P2RX5: variants seen among roughly 807,000 people sequenced by gnomAD.
The protein encoded by P2RX5 is purinergic receptor P2X 5.
In P2RX5, 46 loss-of-function variants were observed where a neutral mutation model predicts 54.1. The ratio of observed to expected loss-of-function variants is 0.85; its 90% CI spans 0.67 to 1.09. P2RX5 has a LOEUF of 1.09. Among genes scored for constraint, P2RX5 ranks in the 50% least tolerant of loss-of-function variants. P2RX5 has a pLI of 0.00. For synonymous variants in P2RX5, 226 were observed against 226.4 expected (o/e 1.00, Z 0.02); for missense variants, 566 against 549.8 (o/e 1.03, Z -0.29).
chr17:3,680,874 A>T (rs1346677688), intron 10 of P2RX5, among the ~76,000 whole-genome samples: 10 of 74,416 alleles, frequency 1.3e-4, no homozygotes, highest in African/African-American at 3.2e-4. Flanking sequence ...TCCTCCACCC[A>T]GTGTCCTCCA....
intron 9 of P2RX5, chr17:3,685,671 C>A (rs2050435480): frequency 9.5e-6 from 1 of 104,854 alleles, no homozygotes. Context: ...AGCCTGAGAA[C>A]AGGAGAACGC....
At chr17:3,676,125 CT>C (rs1567727577) in intron 11 of P2RX5, 1 of 985,348 alleles carries the variant, frequency 1.0e-6, no homozygotes, top group African/African-American at 1.7e-5. Context: ...CGCTGGAGCA[CT>C]TTTCTGCCAG....
At chr17:3,692,871 C>A (rs1369148315) in intron 1 of P2RX5, among the ~76,000 whole-genome samples, 3 of 151,976 alleles carry the variant, frequency 2.0e-5, no homozygotes, top group African/African-American at 7.3e-5. Flanking sequence ...AAATCCCATA[C>A]TTGTTGACAC....
chr17:3,677,501 C>T, intron 11 of P2RX5: 1 of 985,460 alleles, frequency 1.0e-6, no homozygotes, highest in South Asian at 4.7e-5. Context: ...TAAATTTTAT[C>T]CTTGGGGCAA....
chr17:3,720,858 C>T, the P2RX5 span, among the ~76,000 whole-genome samples: 1 of 152,180 alleles, frequency 6.6e-6, no homozygotes, highest in Non-Finnish European at 1.5e-5. Flanking sequence ...GCTGGGATTA[C>T]AGGCGTGAGC....
chr17:3,712,999 C>T, the P2RX5 span, among the ~76,000 whole-genome samples: 1 of 150,694 alleles, frequency 6.6e-6, no homozygotes, highest in Non-Finnish European at 1.5e-5. Context: ...CATTCAAAAC[C>T]ACCAACTGTT....
chr17:3,711,767 T>C, the P2RX5 span, among the ~76,000 whole-genome samples: 1 of 152,180 alleles, frequency 6.6e-6, no homozygotes. Context: ...CGATCTCGTC[T>C]CACTGCAAAC....
chr17:3,678,041 T>A (rs1254329015), intron 11 of P2RX5: 6 of 985,270 alleles, frequency 6.1e-6, no homozygotes, highest in Non-Finnish European at 7.2e-6. Flanking sequence ...GGCCCCAAAG[T>A]TTTCAGCGAC....
At chr17:3,713,938 A>ATT in the P2RX5 span, among the ~76,000 whole-genome samples, 3 of 150,666 alleles carry the variant, frequency 2.0e-5, no homozygotes, top group Non-Finnish European at 3.0e-5. Context: ...ACAATCGATA[A>ATT]TTTTTTTTTG....
chr17:3,711,298 T>C, the P2RX5 span, among the ~76,000 whole-genome samples: 3 of 150,552 alleles, frequency 2.0e-5, no homozygotes, highest in South Asian at 6.3e-4. Flanking sequence ...AAAACCTAAA[T>C]TGGCCACGTT....
chr17:3,685,815 C>T (rs1437582282), intron 9 of P2RX5, among the ~76,000 whole-genome samples: 1 of 17,616 alleles, frequency 5.7e-5, no homozygotes, highest in East Asian at 3.2e-3. Context: ...GAACACACAG[C>T]GGGGCCCCCA....
intron 11 of P2RX5, chr17:3,676,414 G>C: frequency 1.0e-6 from 1 of 983,462 alleles, no homozygotes; most frequent in Non-Finnish European, 1.2e-6. Flanking sequence ...CTGGGGAACC[G>C]GGAGGACGGA....
chr17:3,723,831 C>T, the P2RX5 span: 1 of 1,551,614 alleles, frequency 6.4e-7, no homozygotes, highest in Non-Finnish European at 8.7e-7. Flanking sequence ...TGGCGAGGTG[C>T]GCATGCGCAG....
chr17:3,701,413 C>T, the P2RX5 span, among the ~76,000 whole-genome samples: 1 of 152,144 alleles, frequency 6.6e-6, no homozygotes, highest in African/African-American at 2.4e-5. Flanking sequence ...ACTTCTAAGT[C>T]CGGGCGTGAT....
the P2RX5 span, among the ~76,000 whole-genome samples, chr17:3,703,622 G>A: frequency 6.6e-6 from 1 of 152,162 alleles, no homozygotes; most frequent in Non-Finnish European, 1.5e-5. Context: ...CAGCATCACT[G>A]TTCCCAGCAG....
At chr17:3,718,404 T>C in the P2RX5 span, 1 of 152,212 alleles carries the variant, frequency 6.6e-6, no homozygotes, top group African/African-American at 2.4e-5. Flanking sequence ...GTGCTGGCCA[T>C]GAAGGAATGC....
chr17:3,718,606 G>C, the P2RX5 span, among the ~76,000 whole-genome samples: 1 of 152,204 alleles, frequency 6.6e-6, no homozygotes, highest in Admixed American at 6.5e-5. Flanking sequence ...TTATTGTCAG[G>C]AACTACTTAA....
At chr17:3,714,903 C>G in the P2RX5 span, 1 of 1,610,908 alleles carries the variant, frequency 6.2e-7, no homozygotes, top group Admixed American at 1.7e-5. Context: ...CTGATGCTCT[C>G]CAAGTTCAGT....
At chr17:3,677,465 T>C (rs1567728334) in intron 11 of P2RX5, 1 of 985,334 alleles carries the variant, frequency 1.0e-6, no homozygotes, top group African/African-American at 1.7e-5. Flanking sequence ...CTCCAGTCCT[T>C]TCCTGGTTGC....
Sources: allele counts gnomAD v4.1 joint callset (sites outside exome capture counted in the v4.1 genomes callset), GRCh38; gene constraint gnomAD v4.1.1; transcripts MANE v1.5; gene names NCBI Gene and HGNC (gene_info 2026-07-23, HGNC 2026-07-21).